NKAIN3: variants seen among roughly 807,000 people sequenced by gnomAD.
NKAIN3 encodes the protein sodium/potassium transporting ATPase interacting 3.
A neutral mutation model predicts 30.2 loss-of-function variants in NKAIN3; 25 were observed. The observed-to-expected ratio is 0.83, with a 90% confidence interval of 0.60 to 1.16. The LOEUF (loss-of-function observed/expected upper bound fraction) is 1.16. NKAIN3 is among the 50% of genes most tolerant of loss of function. NKAIN3 has a pLI of 0.00. For synonymous variants in NKAIN3, 91 were observed against 89.6 expected (o/e 1.02, Z -0.09); for missense variants, 225 against 254.1 (o/e 0.89, Z 0.78).
intron 3 of NKAIN3, among the ~76,000 whole-genome samples, chr8:62,730,244 A>C (rs1815425554): frequency 6.6e-6 from 1 of 151,910 alleles, no homozygotes; most frequent in South Asian, 2.1e-4. Flanking sequence ...TGTTATATTT[A>C]TATTCTGAAT....
intron 4 of NKAIN3, among the ~76,000 whole-genome samples, chr8:62,868,424 C>A (rs910197488): frequency 1.3e-4 from 20 of 151,276 alleles, no homozygotes; most frequent in Admixed American, 1.1e-3. Context: ...ACCAAGGAGG[C>A]ATTTATCTGA....
intron 4 of NKAIN3, among the ~76,000 whole-genome samples, chr8:62,823,261 C>T (rs116007357): frequency 0.022 from 3,390 of 152,204 alleles, 127 homozygotes; most frequent in African/African-American, 0.077. Flanking sequence ...TTTTCAGCTC[C>T]ATTATAATCT....
intron 3 of NKAIN3, 107 bp downstream of exon 3, chr8:62,589,901 G>T: frequency 2.2e-6 from 1 of 446,400 alleles, no homozygotes; most frequent in East Asian, 3.4e-5. Flanking sequence ...GTGTGTGTGT[G>T]TGTGTGTGTG....
intron 1 of NKAIN3, among the ~76,000 whole-genome samples, chr8:62,522,874 A>G (rs1238329622): frequency 6.6e-6 from 1 of 152,134 alleles, no homozygotes; most frequent in Non-Finnish European, 1.5e-5. Context: ...AAGTTTATAA[A>G]GTGAAAACAT....
At chr8:62,742,170 T>C (rs1217705531) in intron 3 of NKAIN3, among the ~76,000 whole-genome samples, 7 of 152,034 alleles carry the variant, frequency 4.6e-5, no homozygotes, top group Admixed American at 3.3e-4. Flanking sequence ...ACTAAAAGAC[T>C]AATTCTTAAA....
chr8:62,630,501 T>C (rs1390101983), intron 3 of NKAIN3, among the ~76,000 whole-genome samples: 1 of 152,064 alleles, frequency 6.6e-6, no homozygotes, highest in Non-Finnish European at 1.5e-5. Context: ...TGACAGGAGA[T>C]CTGATCCTTA....
chr8:62,409,272 C>T (rs1412374922), intron 1 of NKAIN3, among the ~76,000 whole-genome samples: 1 of 152,166 alleles, frequency 6.6e-6, no homozygotes, highest in Admixed American at 6.5e-5. Context: ...GCAACATCCA[C>T]CTCCCAGGTT....
rs1585637982 is a variant in NKAIN3, at chr8:62,975,987, G to T, written c.*10580G>T. 6.6e-6 allele frequency among the ~76,000 whole-genome samples: 1 copy of T among 152,266 alleles called. No homozygotes were observed. Among genetic ancestry groups the T allele is most frequent in the East Asian group, 1.9e-4 (1 of 5,182 alleles). On this transcript the variant is annotated 3_prime_UTR_variant, in exon 7 of 7. Coordinates refer to ENST00000623646, the MANE Select transcript of NKAIN3 (RefSeq NM_001304533.3). ...GGTTGTTCAGTTTCCATGTAGTTGT[G>T]TGGTTTTGAGTGAGTTTCTTAATCC...
chr8:62,476,394 C>T (rs115059286), intron 1 of NKAIN3, among the ~76,000 whole-genome samples: 144 of 151,536 alleles, frequency 9.5e-4, no homozygotes, highest in African/African-American at 3.3e-3. Flanking sequence ...GACCCGTGCA[C>T]ATGTTAGACA....
At chr8:62,446,666 A>G (rs753161991) in intron 1 of NKAIN3, among the ~76,000 whole-genome samples, 1 of 152,052 alleles carries the variant, frequency 6.6e-6, no homozygotes, top group Non-Finnish European at 1.5e-5. Context: ...TCTACTTTCT[A>G]TCTGTATGGA....
At chr8:62,807,643 C>A (rs923873688) in intron 4 of NKAIN3, among the ~76,000 whole-genome samples, 3 of 148,706 alleles carry the variant, frequency 2.0e-5, no homozygotes, top group Non-Finnish European at 4.4e-5. Flanking sequence ...ACCTCCACTT[C>A]CCGGGTTCAA....
At chr8:62,297,795 C>A (rs1385772096) in intron 1 of NKAIN3, among the ~76,000 whole-genome samples, 1 of 152,144 alleles carries the variant, frequency 6.6e-6, no homozygotes, top group Non-Finnish European at 1.5e-5. Context: ...ACTAGAAATA[C>A]CATTTTGCCC....
chr8:62,747,805 G>A (rs564895615), intron 4 of NKAIN3, among the ~76,000 whole-genome samples: 5 of 152,124 alleles, frequency 3.3e-5, no homozygotes, highest in Non-Finnish European at 7.3e-5. Context: ...GACCCGAAAA[G>A]GACTTATCAT....
intron 3 of NKAIN3, 29 bp downstream of exon 3, chr8:62,589,823 T>C: frequency 8.2e-7 from 1 of 1,215,186 alleles, no homozygotes. Context: ...TAAAGTACAC[T>C]TTAAAATGAG....
chr8:62,747,098 T>C lies in NKAIN3; in HGVS notation c.440T>C (p.Val147Ala), dbSNP rs774970051. The C allele has an allele frequency of 3.0e-5, 48 of 1,612,504 alleles. No individual in the cohort carries two copies. Among genetic ancestry groups the C allele is most frequent in the East Asian group, 2.2e-5 (1 of 44,860 alleles). ...ATCGTTGACTTCCAGTACCTGGAGG[T>C]CATCCACAGTGCTGTCCAAATACTA... Reference protein sequence around the residue: ...GCIVDFQYLEVIHSAVQILLS... With the variant: ...GCIVDFQYLEAIHSAVQILLS... Residue 147 changes from valine to alanine, a missense_variant, in exon 4 of 7, where the codon GTC becomes GCC. Physicochemically the swap from Val to Ala is moderately conservative, Grantham distance 64. Coordinates refer to ENST00000623646, the MANE Select transcript of NKAIN3 (RefSeq NM_001304533.3).
At chr8:62,603,545 A>G (rs1811042501) in intron 3 of NKAIN3, among the ~76,000 whole-genome samples, 1 of 152,132 alleles carries the variant, frequency 6.6e-6, no homozygotes, top group African/African-American at 2.4e-5. Flanking sequence ...AAGGAAAAAA[A>G]ACACAGATAA....
At chr8:62,249,211 C>T (rs994445939) in intron 1 of NKAIN3, 84 bp downstream of exon 1, 4 of 1,205,152 alleles carry the variant, frequency 3.3e-6, no homozygotes, top group Non-Finnish European at 4.6e-6. Context: ...TTCCGCAGCT[C>T]CCGGCAAGGG....
chr8:62,819,087 C>T (rs981146087), intron 4 of NKAIN3, among the ~76,000 whole-genome samples: 5 of 148,240 alleles, frequency 3.4e-5, no homozygotes, highest in Non-Finnish European at 7.4e-5. Flanking sequence ...ATGGCATGCC[C>T]AAAGATATAA....
In NKAIN3 at chr8:62,320,567, G is replaced by T. The variant is rs553569630; in HGVS notation, c.54+71440G>T. 6.3e-3 allele frequency among the ~76,000 whole-genome samples: 955 copies of T among 152,100 alleles called. 7 individuals carry two copies. The highest frequency in any genetic ancestry group is 0.022 in the African/African-American group (904 of 41,476). ...TCTCAGCATTTGCTTTTCTGTAAAG[G>T]ATTTTATTTCTCTTTCACTTATGAA... On this transcript the variant is annotated intron_variant, in intron 1 of 6. Coordinates refer to ENST00000623646, the MANE Select transcript of NKAIN3 (RefSeq NM_001304533.3).
Sources: gnomAD v4.1 joint callset for allele counts (sites outside exome capture counted in the v4.1 genomes callset) on GRCh38, gnomAD v4.1.1 for gene constraint, MANE v1.5 for transcripts, NCBI Gene and HGNC (gene_info 2026-07-23, HGNC 2026-07-21) for gene names.